Variants in WSCD2 observed in about 807,000 individuals in gnomAD.
WSCD2 encodes WSC domain sialate O sulfotransferase 2, also known as sialate:O-sulfotransferase 2.
A neutral mutation model predicts 55.7 loss-of-function variants in WSCD2; 28 were observed. The ratio of observed to expected loss-of-function variants is 0.50; its 90% CI spans 0.37 to 0.69. The LOEUF is 0.69. WSCD2 is among the 30% of genes least tolerant of loss of function. WSCD2 has a pLI of 0.00. For synonymous variants in WSCD2, 301 were observed against 301.9 expected, an observed-to-expected ratio of 1.00 and a Z score of 0.03; for missense variants, 616 against 762.1, an observed-to-expected ratio of 0.81 and a Z score of 2.26.
chr12:108,228,290 C>T (rs538349492), intron 6 of WSCD2, among the ~76,000 whole-genome samples: 5 of 152,246 alleles, frequency 3.3e-5, no homozygotes, highest in African/African-American at 9.6e-5. Flanking sequence ...AGTCCTTATG[C>T]CGAGCCTCAT....
chr12:108,182,439 C>G (rs1881903553), intron 1 of WSCD2, among the ~76,000 whole-genome samples: 1 of 152,208 alleles, frequency 6.6e-6, no homozygotes, highest in South Asian at 2.1e-4. Context: ...AACATTGAAA[C>G]TAAACCAAAA....
chr12:108,143,077 G>A (rs764337489), intron 1 of WSCD2, among the ~76,000 whole-genome samples: 8 of 152,208 alleles, frequency 5.3e-5, no homozygotes, highest in Non-Finnish European at 1.2e-4. Flanking sequence ...GCCTTTCAAA[G>A]TGATGGGATT....
rs150459590 is a variant in WSCD2, at chr12:108,247,641, G to C, written c.1346-350G>C. On this transcript the variant is annotated intron_variant, in intron 8 of 8. Coordinates refer to ENST00000547525, the MANE Select transcript of WSCD2 (RefSeq NM_014653.4). ...CATCATCATAGCTCACTGCAGCCTC[G>C]ACCTCCTGGGCTCAAACAATCCTCC... 1.6e-3 allele frequency among the ~76,000 whole-genome samples: 246 copies of C among 152,122 alleles called. 1 individual carries two copies. Among genetic ancestry groups the C allele is most frequent in the African/African-American group, 5.1e-3 (211 of 41,500 alleles).
At chr12:108,206,884 C>T (rs550286694) in intron 3 of WSCD2, among the ~76,000 whole-genome samples, 1 of 152,224 alleles carries the variant, frequency 6.6e-6, no homozygotes, top group African/African-American at 2.4e-5. Context: ...CTTAGAAATG[C>T]ACCATTAGAT....
At chr12:108,190,857 T>C (rs1250953537) in intron 1 of WSCD2, among the ~76,000 whole-genome samples, 2 of 152,034 alleles carry the variant, frequency 1.3e-5, no homozygotes, top group African/African-American at 4.8e-5. Context: ...CTTAGAGAGG[T>C]GTCACATAAA....
intron 1 of WSCD2, among the ~76,000 whole-genome samples, chr12:108,193,171 G>A (rs1184520011): frequency 2.6e-5 from 4 of 152,214 alleles, no homozygotes; most frequent in Non-Finnish European, 4.4e-5. Context: ...TTAAATGAGA[G>A]TATGTATATG....
chr12:108,164,138 C>CTTATTTTTTTTTTTTTTTTTT, intron 1 of WSCD2, among the ~76,000 whole-genome samples: 1 of 71,706 alleles, frequency 1.4e-5, no homozygotes. Flanking sequence ...AATCTTAAAT[C>CTTATTTTTTTTTTTTTTTTTT]CTTTTTTTTT....
chr12:108,167,571 G>A (rs1239321043), intron 1 of WSCD2: 1 of 152,158 alleles, frequency 6.6e-6, no homozygotes, highest in African/African-American at 2.4e-5. Flanking sequence ...ATTCGCAAGG[G>A]ATTGCTTCAG....
intron 4 of WSCD2, among the ~76,000 whole-genome samples, chr12:108,218,836 C>A (rs1887146324): frequency 6.6e-6 from 1 of 152,206 alleles, no homozygotes; most frequent in Non-Finnish European, 1.5e-5. Flanking sequence ...TGGCTGTGGG[C>A]ACCAGGTGCA....
intron 1 of WSCD2, among the ~76,000 whole-genome samples, chr12:108,132,345 CGT>C (rs1276767900): frequency 1.3e-5 from 2 of 152,114 alleles, no homozygotes; most frequent in Non-Finnish European, 2.9e-5. Context: ...TGTGTGGACA[CGT>C]GTGTGAATGT....
intron 5 of WSCD2, among the ~76,000 whole-genome samples, chr12:108,225,786 T>G (rs949137595): frequency 2.0e-5 from 3 of 152,182 alleles, no homozygotes; most frequent in Non-Finnish European, 4.4e-5. Flanking sequence ...ACTGGGCACA[T>G]AACTGGCACT....
chr12:108,211,250 G>C (rs144588259), intron 4 of WSCD2, among the ~76,000 whole-genome samples: 1 of 152,188 alleles, frequency 6.6e-6, no homozygotes, highest in African/African-American at 2.4e-5. Flanking sequence ...CTTTCTGGGG[G>C]TTACCCCTCC....
At chr12:108,213,876 G>A (rs1886520386) in intron 4 of WSCD2, among the ~76,000 whole-genome samples, 1 of 152,088 alleles carries the variant, frequency 6.6e-6, no homozygotes. Context: ...TCTCTTTTAG[G>A]GGAGCTCCTT....
chr12:108,236,683 C>T (rs1889296664), intron 7 of WSCD2, among the ~76,000 whole-genome samples: 1 of 151,992 alleles, frequency 6.6e-6, no homozygotes, highest in Non-Finnish European at 1.5e-5. Flanking sequence ...GTGTCTCTCT[C>T]TGTTCTCTCT....
chr12:108,150,024 A>T (rs1174243222), intron 1 of WSCD2: 1 of 152,262 alleles, frequency 6.6e-6, no homozygotes, highest in East Asian at 1.9e-4. Context: ...CATGCTAGTG[A>T]TGGTAATAAT....
At chr12:108,178,868 C>T (rs553418072) in intron 1 of WSCD2, among the ~76,000 whole-genome samples, 6 of 152,288 alleles carry the variant, frequency 3.9e-5, no homozygotes, top group East Asian at 1.9e-4. Flanking sequence ...CAACCGCCTA[C>T]GTAGAAAACA....
chr12:108,207,392 CAG>C (rs1885534341), intron 3 of WSCD2, among the ~76,000 whole-genome samples: 1 of 151,890 alleles, frequency 6.6e-6, no homozygotes, highest in Non-Finnish European at 1.5e-5. Context: ...TTTTTTGAGA[CAG>C]AGTCTTGCTC....
rs1405361813 is a variant in WSCD2, at chr12:108,196,196, G to A, written c.364G>A (p.Glu122Lys). ...SRALKGRVVREKEEERAKYIG... is the reference protein window; with the variant it reads ...SRALKGRVVRKKEEERAKYIG... ...AGCCCTCAAGGGGAGGGTTGTCCGG[G>A]AGAAGGAGGAAGAGCGAGGTAAGAG... The change falls in exon 2 of 9, where the codon GAG (glutamate) becomes AAG (lysine). Residue 122 changes from glutamate to lysine, a missense_variant. This residue lies in a region of WSCD2 where 374 missense variants were observed against 467.4 expected (regional missense o/e 0.80). Coordinates refer to ENST00000547525, the MANE Select transcript of WSCD2 (RefSeq NM_014653.4). 8.7e-6 allele frequency: 14 copies of A among 1,613,678 alleles called. No individual in the cohort carries two copies. Among genetic ancestry groups the A allele is most frequent in the Non-Finnish European group, 1.1e-5 (13 of 1,179,766 alleles).
Position 108,211,649 on chromosome 12 carries a change from A to G in WSCD2, c.682+1344A>G, listed in dbSNP as rs1374712493. Among the ~76,000 whole-genome samples the G allele has an allele frequency of 6.1e-5, 9 of 146,624 alleles. No homozygotes were observed. In the East Asian group the frequency reaches 1.6e-3, roughly 26 times the overall value. On this transcript the variant is annotated intron_variant, in intron 4 of 8. Coordinates refer to ENST00000547525, the MANE Select transcript of WSCD2 (RefSeq NM_014653.4). ...AAATCCCATATATATATATATATAT[A>G]TACATATATATATATATTTTTTGAG...
Sources: gnomAD v4.1 joint callset for allele counts (sites outside exome capture counted in the v4.1 genomes callset) on GRCh38, gnomAD v4.1.1 for gene constraint, gnomAD v4.1.1 regional missense constraint, MANE v1.5 for transcripts, NCBI Gene and HGNC (gene_info 2026-07-23, HGNC 2026-07-21) for gene names.